The following ARHGAP40 variants were observed in gnomAD, a reference collection of about 807,000 sequenced individuals.
The protein encoded by ARHGAP40 is Rho GTPase activating protein 40.
A neutral mutation model predicts 73.5 loss-of-function variants in ARHGAP40; 43 were observed. That is an observed-to-expected ratio of 0.58 (90% CI 0.46 to 0.75). The LOEUF (loss-of-function observed/expected upper bound fraction) is 0.75, where lower values mean the gene tolerates loss of function less well. Ranked by LOEUF, ARHGAP40 falls within the 30% of genes least tolerant of loss-of-function variation. ARHGAP40 has a pLI of 0.00. For missense variants in ARHGAP40, 734 were observed against 861.8 expected, an observed-to-expected ratio of 0.85 and a Z score of 1.86; for synonymous variants, 300 against 352.8, an observed-to-expected ratio of 0.85 and a Z score of 1.68.
At chr20:38,619,603 C>A (rs1047311895) in intron 1 of ARHGAP40, among the ~76,000 whole-genome samples, 1 of 146,108 alleles carries the variant, frequency 6.8e-6, no homozygotes, top group Non-Finnish European at 1.5e-5. Context: ...TTCATTTACA[C>A]CTGGGGCCTC....
At chr20:38,634,780 C>A (rs1336931439) in exon 6 of ARHGAP40, 3 of 1,281,050 alleles carry the variant, frequency 2.3e-6, no homozygotes, top group Non-Finnish European at 3.1e-6. Flanking sequence ...AAGTGGAAAG[C>A]GGCAGGTGAG....
chr20:38,610,977 C>T (rs2088801497), intron 1 of ARHGAP40, among the ~76,000 whole-genome samples: 1 of 151,186 alleles, frequency 6.6e-6, no homozygotes, highest in Non-Finnish European at 1.5e-5. Context: ...GCAACCTCCA[C>T]CTCCGGGGTT....
intron 1 of ARHGAP40, chr20:38,615,325 A>G (rs2088829050): frequency 3.9e-6 from 3 of 773,328 alleles, no homozygotes; most frequent in Admixed American, 3.4e-5. Flanking sequence ...GTTTCAGGTT[A>G]ATTGCCAGCC....
chr20:38,606,507 G>A (rs2088771366), intron 1 of ARHGAP40, among the ~76,000 whole-genome samples: 1 of 152,034 alleles, frequency 6.6e-6, no homozygotes, highest in East Asian at 1.9e-4. Flanking sequence ...TTTTAGTCTT[G>A]GCTAATTGGA....
rs2088940362 is a variant in ARHGAP40, at chr20:38,631,791, G to A, written c.783+2141G>A. ...TAGGAAACCAACCCCACCCCCTGCAGTAGCCTCTATTCCAATGTGAGAGTA... is the reference window on the plus strand; with the variant it reads ...TAGGAAACCAACCCCACCCCCTGCAATAGCCTCTATTCCAATGTGAGAGTA... On this transcript the variant is annotated intron_variant, in intron 5 of 14. Coordinates refer to ENST00000373345, the Ensembl canonical transcript of ARHGAP40. 2.6e-5 allele frequency among the ~76,000 whole-genome samples: 4 copies of A among 152,208 alleles called. No individual in the cohort carries two copies. The South Asian group carries it at 8.3e-4, about 32-fold the overall frequency.
intron 1 of ARHGAP40, among the ~76,000 whole-genome samples, chr20:38,607,660 C>T (rs2145592373): frequency 6.6e-6 from 1 of 152,294 alleles, no homozygotes; most frequent in South Asian, 2.1e-4. Flanking sequence ...GCCGCTTCTC[C>T]ACCTCCCCTC....
At chr20:38,624,900 G>A (rs1471893210) in intron 2 of ARHGAP40, among the ~76,000 whole-genome samples, 1 of 152,236 alleles carries the variant, frequency 6.6e-6, no homozygotes, top group Non-Finnish European at 1.5e-5. Context: ...CCACTAGAAT[G>A]TAACTTCCAT....
chr20:38,643,708 T>C, exon 11 of ARHGAP40: 1 of 1,305,772 alleles, frequency 7.7e-7, no homozygotes, highest in Non-Finnish European at 1.0e-6. Flanking sequence ...CCCTAGGCAC[T>C]GCTGGAATTC....
chr20:38,625,422 A>G (rs373935390), intron 2 of ARHGAP40, among the ~76,000 whole-genome samples: 5 of 148,476 alleles, frequency 3.4e-5, no homozygotes, highest in South Asian at 2.2e-4. Flanking sequence ...CTTTTTATTT[A>G]TTTATTTAAT....
intron 13 of ARHGAP40, among the ~76,000 whole-genome samples, chr20:38,648,192 T>C (rs1436208457): frequency 6.6e-6 from 1 of 152,250 alleles, no homozygotes; most frequent in Non-Finnish European, 1.5e-5. Flanking sequence ...GGCCATGGAA[T>C]TGAACTCAGG....
intron 1 of ARHGAP40, among the ~76,000 whole-genome samples, chr20:38,609,409 G>A (rs540263330): frequency 6.6e-6 from 1 of 152,158 alleles, no homozygotes; most frequent in South Asian, 2.1e-4. Context: ...GATACTGAAG[G>A]TCTGGGGCCC....
At position 38,602,042 on chromosome 20, in the gene ARHGAP40, A is replaced by G. The variant is rs901035483; in HGVS notation, c.100A>G (p.Arg34Gly). ...TCGGATCCCGCGGGCCCGCATTGCC[A>G]GGCGCTGCGCCCAGCGCTGGGCCGA... is the stretch of plus-strand genomic sequence containing the variant. Residue 34 changes from arginine to glycine, a missense_variant, in exon 1 of 15, where the codon AGG becomes GGG. Coordinates refer to ENST00000373345, the Ensembl canonical transcript of ARHGAP40. The G allele has an allele frequency of 3.9e-6, 5 of 1,287,138 alleles. No individual in the cohort carries two copies. The East Asian group carries it at 1.7e-4, about 43-fold the overall frequency. 79.7% of individuals were successfully genotyped at this position (1,287,138 alleles called of 1,614,324 possible). A position where few individuals can be genotyped will look rare whatever the true frequency, so the allele number is the denominator to read the frequency against.
At chr20:38,612,265 T>C (rs1252647410) in intron 1 of ARHGAP40, among the ~76,000 whole-genome samples, 1 of 152,226 alleles carries the variant, frequency 6.6e-6, no homozygotes, top group Non-Finnish European at 1.5e-5. Flanking sequence ...TATTTAGATT[T>C]CATAAAATAT....
At chr20:38,641,577 G>A in intron 9 of ARHGAP40, 149 bp from the exon 10 acceptor site, 1 of 423,204 alleles carries the variant, frequency 2.4e-6, no homozygotes, top group Middle Eastern at 7.1e-4. Context: ...GCCAACATTA[G>A]ACAAGGAAAT....
At chr20:38,645,344 C>T (rs1049041510) in intron 11 of ARHGAP40, among the ~76,000 whole-genome samples, 9 of 152,154 alleles carry the variant, frequency 5.9e-5, no homozygotes, top group South Asian at 2.1e-4. Flanking sequence ...GATTGTAATA[C>T]TTCTTTTTAT....
exon 15 of ARHGAP40, chr20:38,649,975 T>A: frequency 1.6e-6 from 1 of 606,368 alleles, no homozygotes. Flanking sequence ...AGGCTTCCTT[T>A]TCTGAAATGC....
In ARHGAP40 at chr20:38,605,893, T is replaced by C. The variant is rs189327885; in HGVS notation, c.137+3814T>C. Reference sequence around the variant, plus strand: ...GACATAGAAATCAACATTATTCTTTTTTTTTCTTTTGGAGACAGAGTCTTG... The same window carrying C: ...GACATAGAAATCAACATTATTCTTTCTTTTTCTTTTGGAGACAGAGTCTTG... On this transcript the variant is annotated intron_variant, in intron 1 of 14. Transcript: ENST00000373345. 2.7e-3 allele frequency among the ~76,000 whole-genome samples: 415 copies of C among 152,314 alleles called. 1 individual carries two copies. Among genetic ancestry groups the C allele is most frequent in the African/African-American group, 9.5e-3 (394 of 41,548 alleles).
intron 5 of ARHGAP40, among the ~76,000 whole-genome samples, chr20:38,631,860 T>C (rs115727604): frequency 0.01 from 1,547 of 152,318 alleles, 25 homozygotes; most frequent in African/African-American, 0.034. Context: ...CACAGCAAGT[T>C]GCAAAAACAG....
chr20:38,648,817 T>TCAA, intron 14 of ARHGAP40, 119 bp downstream of exon 14: 2 of 725,910 alleles, frequency 2.8e-6, no homozygotes. Flanking sequence ...AGCCCTCCCT[T>TCAA]CAGGTCTCTG....
Sources: gnomAD v4.1 joint callset for allele counts (sites outside exome capture counted in the v4.1 genomes callset) on GRCh38, gnomAD v4.1.1 for gene constraint, MANE v1.5 for transcripts, NCBI Gene and HGNC (gene_info 2026-07-23, HGNC 2026-07-21) for gene names.